The following ZSWIM6 variants were observed in gnomAD, a reference collection of about 807,000 sequenced individuals.
ZSWIM6 encodes the protein zinc finger SWIM domain-containing protein 6.
A neutral mutation model predicts 113.2 loss-of-function variants in ZSWIM6; 9 were observed. The observed-to-expected ratio is 0.08, with a 90% CI of 0.05 to 0.14. ZSWIM6 has a LOEUF of 0.14. Among genes scored for constraint, ZSWIM6 ranks in the 10% least tolerant of loss-of-function variants. The pLI, the probability that ZSWIM6 is intolerant of heterozygous loss-of-function variation, is 1.00. For synonymous variants in ZSWIM6, 611 were observed against 606.5 expected (o/e 1.01, Z -0.11); for missense variants, 1,162 against 1,552.2 (o/e 0.75, Z 4.22).
chr5:61,461,341 C>A (rs7732866), intron 1 of ZSWIM6, among the ~76,000 whole-genome samples: 1 of 152,104 alleles, frequency 6.6e-6, no homozygotes, highest in Admixed American at 6.5e-5. Flanking sequence ...TTTTAGAAAT[C>A]ATTCATTATC....
chr5:61,478,097 T>C (rs1747752354), intron 2 of ZSWIM6, among the ~76,000 whole-genome samples: 1 of 152,218 alleles, frequency 6.6e-6, no homozygotes, highest in African/African-American at 2.4e-5. Context: ...TGATTATTAC[T>C]ATCATACCCT....
At chr5:61,454,422 A>C (rs1159000094) in intron 1 of ZSWIM6, among the ~76,000 whole-genome samples, 1 of 151,634 alleles carries the variant, frequency 6.6e-6, no homozygotes, top group Non-Finnish European at 1.5e-5. Context: ...CACCCAACTA[A>C]TTTTTAAATT....
chr5:61,488,678 A>T (rs1156973093), intron 2 of ZSWIM6, among the ~76,000 whole-genome samples: 1 of 151,604 alleles, frequency 6.6e-6, no homozygotes. Flanking sequence ...TTCTGATTTT[A>T]TTTATTTGGA....
At chr5:61,439,738 T>G (rs1746786033) in intron 1 of ZSWIM6, among the ~76,000 whole-genome samples, 1 of 152,222 alleles carries the variant, frequency 6.6e-6, no homozygotes, top group Non-Finnish European at 1.5e-5. Context: ...GCACCAATAA[T>G]ATATATCTAG....
chr5:61,538,134 T>C (rs930576003), intron 10 of ZSWIM6, among the ~76,000 whole-genome samples: 3 of 152,222 alleles, frequency 2.0e-5, no homozygotes, highest in African/African-American at 7.2e-5. Context: ...CAGTATATTC[T>C]TAATAAAAAA....
intron 1 of ZSWIM6, among the ~76,000 whole-genome samples, chr5:61,435,078 C>T (rs1378684146): frequency 3.9e-5 from 6 of 152,160 alleles, no homozygotes; most frequent in South Asian, 4.2e-4. Flanking sequence ...TAACTACTGG[C>T]GAGTTGTATG....
chr5:61,367,095 G>A (rs1235178678), intron 1 of ZSWIM6, among the ~76,000 whole-genome samples: 1 of 152,120 alleles, frequency 6.6e-6, no homozygotes. Context: ...TGGAGCCATA[G>A]CCCCAGACAC....
intron 1 of ZSWIM6, among the ~76,000 whole-genome samples, chr5:61,460,982 A>G (rs966595974): frequency 1.3e-5 from 2 of 152,160 alleles, no homozygotes; most frequent in African/African-American, 2.4e-5. Context: ...TGTATAGAAC[A>G]CAACAAAAAG....
At chr5:61,441,223 T>C (rs2112147071) in intron 1 of ZSWIM6, among the ~76,000 whole-genome samples, 1 of 152,312 alleles carries the variant, frequency 6.6e-6, no homozygotes, top group Admixed American at 6.5e-5. Context: ...AAGTTCGAAG[T>C]TGATAGACTT....
intron 1 of ZSWIM6, among the ~76,000 whole-genome samples, chr5:61,467,730 G>T (rs76550539): frequency 5.3e-5 from 8 of 152,058 alleles, no homozygotes; most frequent in African/African-American, 1.9e-4. Flanking sequence ...TCAACTATTT[G>T]TGAGTTGACA....
Position 61,353,654 on chromosome 5 carries a change from G to A in ZSWIM6, c.676+20706G>A, listed in dbSNP as rs1433978981. 2.0e-5 allele frequency among the ~76,000 whole-genome samples: 3 copies of A among 152,126 alleles called. No individual in the cohort carries two copies. In the East Asian group the frequency reaches 5.8e-4, roughly 29 times the overall value. ...AGTAATGGATGTGTAACCCATTCAC[G>A]ATATAGTACCTTCTTGTTCCTTGGA... is the stretch of plus-strand genomic sequence containing the variant. On this transcript the variant is annotated intron_variant, in intron 1 of 13. Transcript: ENST00000252744.
intron 1 of ZSWIM6, among the ~76,000 whole-genome samples, chr5:61,339,703 G>T (rs1247839561): frequency 6.6e-6 from 1 of 152,100 alleles, no homozygotes; most frequent in Admixed American, 6.5e-5. Flanking sequence ...CGGGTTATAG[G>T]CAGGTCTTTT....
At position 61,539,581 on chromosome 5, in the gene ZSWIM6, C is replaced by T. The variant is rs1044118650; in HGVS notation, c.2540-15C>T. 1.2e-5 allele frequency: 18 copies of T among 1,543,580 alleles called. No individual in the cohort carries two copies. The Admixed American group carries it at 3.2e-4, about 27-fold the overall frequency. ...TTTGATTTGGTTTGGTTTGGTTTTCCCTTGTTCATTGCAGGCGATGTTCGG... is the reference window on the plus strand; with the variant it reads ...TTTGATTTGGTTTGGTTTGGTTTTCTCTTGTTCATTGCAGGCGATGTTCGG... On this transcript the variant is annotated splice_polypyrimidine_tract_variant and intron_variant, in intron 11 of 13. Transcript: ENST00000252744.
intron 2 of ZSWIM6, among the ~76,000 whole-genome samples, chr5:61,474,588 G>T (rs1435308087): frequency 1.3e-5 from 2 of 152,016 alleles, no homozygotes; most frequent in Non-Finnish European, 2.9e-5. Context: ...GTGAAATCTG[G>T]TTACTGATTC....
chr5:61,406,987 A>G (rs1199592751), intron 1 of ZSWIM6, among the ~76,000 whole-genome samples: 1 of 152,224 alleles, frequency 6.6e-6, no homozygotes, highest in Non-Finnish European at 1.5e-5. Flanking sequence ...TGCTGGGATT[A>G]CAGGCGTGAG....
At chr5:61,482,545 G>A (rs1408873336) in intron 2 of ZSWIM6, among the ~76,000 whole-genome samples, 1 of 152,124 alleles carries the variant, frequency 6.6e-6, no homozygotes, top group Admixed American at 6.5e-5. Flanking sequence ...TTGCACTTTT[G>A]GGGGAAATTA....
At chr5:61,343,365 T>C (rs1744588099) in intron 1 of ZSWIM6, among the ~76,000 whole-genome samples, 1 of 152,240 alleles carries the variant, frequency 6.6e-6, no homozygotes, top group Non-Finnish European at 1.5e-5. Flanking sequence ...CATTGTTAGT[T>C]GGTATCAGAT....
rs1299455174 is a variant in ZSWIM6 at position 61,544,270 on chromosome 5, A to G, written c.3601A>G (p.Lys1201Glu). ...TATTGACAACCTGAAACAAATCTAC[A>G]AAGGCAAAAAGAAACTGATGATGTT... ...QFIDNLKQIYKGKKKLMMLVR... is the reference protein window; with the variant it reads ...QFIDNLKQIYEGKKKLMMLVR... Residue 1201 changes from lysine to glutamate, a missense_variant, in exon 14 of 14, where the codon AAA becomes GAA. By Grantham distance (56) the Lys-to-Glu change is moderately conservative (BLOSUM62 1). This residue lies in a region of ZSWIM6 where 113 missense variants were observed against 213.8 expected (regional missense o/e 0.53). Transcript: ENST00000252744. 1 of 1,544,736 alleles carries G rather than the reference A, an allele frequency of 6.5e-7. No individual in the cohort carries two copies. Among genetic ancestry groups the G allele is most frequent in the Non-Finnish European group, 8.7e-7 (1 of 1,145,830 alleles).
intron 1 of ZSWIM6, among the ~76,000 whole-genome samples, chr5:61,389,586 C>T (rs978519472): frequency 2.4e-4 from 35 of 148,806 alleles, no homozygotes; most frequent in African/African-American, 8.4e-4. Context: ...AAGAATCCTG[C>T]AGCTTGACAG....
Sources: gnomAD v4.1 joint callset for allele counts (sites outside exome capture counted in the v4.1 genomes callset) on GRCh38, gnomAD v4.1.1 for gene constraint, gnomAD v4.1.1 regional missense constraint, MANE v1.5 for transcripts, NCBI Gene and HGNC (gene_info 2026-07-23, HGNC 2026-07-21) for gene names.